NAPEPLD: variants seen among roughly 807,000 people sequenced by gnomAD.
The protein encoded by NAPEPLD is N-acyl phosphatidylethanolamine phospholipase D, also known as N-acyl-phosphatidylethanolamine-hydrolyzing phospholipase D.
Under a neutral mutation model 38.1 loss-of-function variants are expected in NAPEPLD, and 23 were observed. The ratio of observed to expected loss-of-function variants is 0.60; its 90% CI spans 0.43 to 0.86. The LOEUF is 0.86. Among genes scored for constraint, NAPEPLD ranks in the 40% least tolerant of loss-of-function variants. The pLI is 0.00. For missense variants in NAPEPLD, 411 were observed against 476.8 expected, an observed-to-expected ratio of 0.86 and a Z score of 1.28; for synonymous variants, 147 against 162.0, an observed-to-expected ratio of 0.91 and a Z score of 0.71.
rs761558673 is a variant in NAPEPLD, at chr7:103,106,350, C to CT, written c.1057-2797dup. The stretch of plus-strand genomic sequence containing the variant: ...GCAGACACCAAACTAGCTGCGGGAG[C>CT]TTTTTTTTTTTTTCATACCCCAGTG... On this transcript the variant is annotated intron_variant, in intron 4 of 4. Transcript: ENST00000465647. Among the ~76,000 whole-genome samples the CT allele has an allele frequency of 5.7e-3, 825 of 145,142 alleles. 8 individuals carry two copies. The highest frequency in any genetic ancestry group is 0.018 in the African/African-American group (721 of 39,858).
chr7:103,137,963 T>A (rs1289322903), intron 1 of NAPEPLD, among the ~76,000 whole-genome samples: 1 of 145,534 alleles, frequency 6.9e-6, no homozygotes, highest in African/African-American at 2.5e-5. Context: ...TGTCAGATGA[T>A]CTTTCTTTTT....
At chr7:103,112,420 G>T (rs1214662647) in intron 4 of NAPEPLD, among the ~76,000 whole-genome samples, 1 of 152,198 alleles carries the variant, frequency 6.6e-6, no homozygotes, top group Non-Finnish European at 1.5e-5. Context: ...ATACTATGCA[G>T]CCATAGAAAA....
chr7:103,133,837 C>T (rs1809486789), intron 1 of NAPEPLD, among the ~76,000 whole-genome samples: 1 of 152,162 alleles, frequency 6.6e-6, no homozygotes, highest in Non-Finnish European at 1.5e-5. Flanking sequence ...CATGAATACA[C>T]AAAAACTGTA....
At chr7:103,109,671 A>C (rs1804120563) in intron 4 of NAPEPLD, among the ~76,000 whole-genome samples, 1 of 152,180 alleles carries the variant, frequency 6.6e-6, no homozygotes, top group African/African-American at 2.4e-5. Context: ...CAACACCCTA[A>C]CATCACAACT....
upstream of NAPEPLD, chr7:103,149,295 C>T (rs1813258586): frequency 1.9e-6 from 2 of 1,079,768 alleles, no homozygotes; most frequent in African/African-American, 1.7e-5. Context: ...CTTGGGGTGG[C>T]CGGGAGCGCG....
intron 2 of NAPEPLD, chr7:103,127,191 A>ACC (rs1808002969): frequency 6.6e-6 from 1 of 152,176 alleles, no homozygotes. Context: ...CACTGGTGCC[A>ACC]AAGAGAGGAT....
chr7:103,146,282 T>TTGCA (rs1812543341), intron 1 of NAPEPLD, among the ~76,000 whole-genome samples: 4 of 151,898 alleles, frequency 2.6e-5, no homozygotes, highest in Admixed American at 2.6e-4. Context: ...GAGGCACAGG[T>TTGCA]TGCAGTCAGC....
chr7:103,112,034 T>C (rs1241614842), intron 4 of NAPEPLD, among the ~76,000 whole-genome samples: 1 of 151,446 alleles, frequency 6.6e-6, no homozygotes, highest in African/African-American at 2.4e-5. Flanking sequence ...ATTAGAGAAA[T>C]GCAAATCAAA....
rs1802186814 is a variant in NAPEPLD, at chr7:103,100,120, T to C, written c.*3309A>G. 6.6e-6 allele frequency: 1 copy of C among 152,148 alleles called. No individual in the cohort carries two copies. Among genetic ancestry groups the C allele is most frequent in the African/African-American group, 2.4e-5 (1 of 41,438 alleles). 9.4% of individuals were successfully genotyped at this position (152,148 alleles called of 1,614,324 possible). On this transcript the variant is annotated 3_prime_UTR_variant, in exon 5 of 5. Coordinates refer to ENST00000465647, the MANE Select transcript of NAPEPLD (RefSeq NM_001122838.3). ...GTTACCCTGATACAGAAATCAAACTTGGAAGAAATATTTTTACATTAGAAA... is the reference window on the plus strand; with the variant it reads ...GTTACCCTGATACAGAAATCAAACTCGGAAGAAATATTTTTACATTAGAAA...
In NAPEPLD at chr7:103,119,873, G is replaced by T. The variant is rs1228705490; in HGVS notation, c.645C>A (p.Leu215=). Reference sequence around the variant, plus strand: ...AGCCACATTTTTGCATCCAGTCAAGGAGACCCAAAGGCACAAACCATCTCA... The same window carrying T: ...AGCCACATTTTTGCATCCAGTCAAGTAGACCCAAAGGCACAAACCATCTCA... ...NELRWFVPLG[L]LDWMQKCGCE... Residue 215 remains leucine, a synonymous_variant, in exon 3 of 5, where the codon CTC becomes CTA. Transcript: ENST00000465647. 5.0e-6 allele frequency: 8 copies of T among 1,614,160 alleles called. No homozygotes were observed. Among genetic ancestry groups the T allele is most frequent in the African/African-American group, 4.0e-5 (3 of 75,018 alleles).
intron 3 of NAPEPLD, among the ~76,000 whole-genome samples, chr7:103,117,921 G>A (rs1438708942): frequency 1.3e-5 from 2 of 152,140 alleles, no homozygotes; most frequent in African/African-American, 2.4e-5. Flanking sequence ...GGTGGCTAAC[G>A]CCTATAATCC....
rs200060264 is a variant in NAPEPLD at position 103,128,477 on chromosome 7, C to A, written c.294+6G>T. ...ATATAAAGCACTCAAAAAAGCCAAGCGCTACCTCTTTAGAACTTGGAACAC... is the reference window on the plus strand; with the variant it reads ...ATATAAAGCACTCAAAAAAGCCAAGAGCTACCTCTTTAGAACTTGGAACAC... On this transcript the variant is annotated splice_donor_region_variant and intron_variant, in intron 2 of 4. Transcript: ENST00000465647. The A allele has an allele frequency of 3.1e-6, 5 of 1,613,522 alleles. No individual in the cohort carries two copies. The African/African-American group carries it at 5.3e-5, about 17-fold the overall frequency.
intron 1 of NAPEPLD, among the ~76,000 whole-genome samples, chr7:103,132,602 A>AAAAT (rs1308043691): frequency 9.9e-5 from 15 of 151,962 alleles, no homozygotes; most frequent in Non-Finnish European, 1.5e-4. Flanking sequence ...TTTAGGGGTA[A>AAAAT]AAATAAATAA....
At chr7:103,107,986 G>C (rs1467470846) in intron 4 of NAPEPLD, among the ~76,000 whole-genome samples, 1 of 151,944 alleles carries the variant, frequency 6.6e-6, no homozygotes. Flanking sequence ...AAAATGTAAA[G>C]GGCAACCAGA....
chr7:103,121,413 G>T lies in NAPEPLD; in HGVS notation c.295-1190C>A, dbSNP rs557462375. Among the ~76,000 whole-genome samples the T allele has an allele frequency of 2.0e-4, 30 of 152,194 alleles. No homozygotes were observed. In the East Asian group the frequency reaches 4.6e-3, roughly 24 times the overall value. On this transcript the variant is annotated intron_variant, in intron 2 of 4. Transcript: ENST00000465647. The stretch of plus-strand genomic sequence containing the variant: ...GAAGCCACCTCATGAAACTCACCAT[G>T]TATGTGTTCAGGCTGCAGACTTGGT...
intron 2 of NAPEPLD, 106 bp from the exon 3 acceptor site, chr7:103,120,329 G>A (rs1326279965): frequency 8.6e-7 from 1 of 1,169,430 alleles, no homozygotes; most frequent in Admixed American, 2.7e-5. Flanking sequence ...GCTGTTTTAA[G>A]AGAACTAAAG....
intron 4 of NAPEPLD, 98 bp downstream of exon 4, chr7:103,114,962 G>A: frequency 2.4e-6 from 2 of 828,104 alleles, no homozygotes; most frequent in Non-Finnish European, 4.0e-6. Flanking sequence ...TGCAGTATCT[G>A]ATTCCAGAGT....
chr7:103,106,676 C>A (rs778649318), intron 4 of NAPEPLD, among the ~76,000 whole-genome samples: 1 of 151,844 alleles, frequency 6.6e-6, no homozygotes, highest in Non-Finnish European at 1.5e-5. Flanking sequence ...TCAGCAAGGC[C>A]GCTGCAGCCA....
rs1813043814 is a variant in NAPEPLD, at chr7:103,148,469, GGAAAAAA to G, written c.-17+335_-17+341del. Among the ~76,000 whole-genome samples, 547 of 101,112 alleles carry G rather than the reference GGAAAAAA, an allele frequency of 5.4e-3. 5 individuals are homozygous for G. Among genetic ancestry groups the G allele is most frequent in the African/African-American group, 0.022 (540 of 24,880 alleles). The allele number at this position is 101,112 out of a possible 152,430, so 66.3% of individuals were successfully genotyped here. ...GCTCTAGCTTGAAAAAAAAAAAAAA[GGAAAAAA>G]CAAACAAACAAAACAACAACAACAA... On this transcript the variant is annotated intron_variant, in intron 1 of 4. Coordinates refer to ENST00000465647, the MANE Select transcript of NAPEPLD (RefSeq NM_001122838.3).
Sources: gnomAD v4.1 joint callset for allele counts (sites outside exome capture counted in the v4.1 genomes callset) on GRCh38, gnomAD v4.1.1 for gene constraint, MANE v1.5 for transcripts, NCBI Gene and HGNC (gene_info 2026-07-23, HGNC 2026-07-21) for gene names.